GPR158: variants seen among roughly 807,000 people sequenced by gnomAD.
The protein encoded by GPR158 is G protein-coupled receptor 158, also known as metabotropic glycine receptor.
A neutral mutation model predicts 78.2 loss-of-function variants in GPR158; 30 were observed. That is an observed-to-expected ratio of 0.38 (90% CI 0.29 to 0.52). The LOEUF (loss-of-function observed/expected upper bound fraction) is 0.52. GPR158 is among the 20% of genes least tolerant of loss of function. The pLI is 0.83. For missense variants in GPR158, 1,463 were observed against 1,523.5 expected (o/e 0.96, Z 0.66); for synonymous variants, 581 against 591.1 (o/e 0.98, Z 0.25).
chr10:25,564,154 A>G (rs986218786), intron 6 of GPR158, among the ~76,000 whole-genome samples: 3 of 152,174 alleles, frequency 2.0e-5, no homozygotes, highest in East Asian at 3.8e-4. Flanking sequence ...AGCTTGGACC[A>G]AAAAATACTT....
intron 5 of GPR158, among the ~76,000 whole-genome samples, chr10:25,520,733 T>C (rs1836251933): frequency 6.6e-6 from 1 of 152,130 alleles, no homozygotes; most frequent in Admixed American, 6.5e-5. Context: ...CTGCCCGTTC[T>C]CAGATCTGCA....
At chr10:25,498,250 G>A (rs759244719) in intron 5 of GPR158, among the ~76,000 whole-genome samples, 16 of 152,114 alleles carry the variant, frequency 1.1e-4, no homozygotes, top group Non-Finnish European at 1.6e-4. Context: ...CCACTATCCC[G>A]ACTTCTTTCG....
intron 1 of GPR158, among the ~76,000 whole-genome samples, chr10:25,215,442 T>A (rs1564393455): frequency 6.6e-6 from 1 of 152,220 alleles, no homozygotes; most frequent in Non-Finnish European, 1.5e-5. Context: ...TTCTCAAGAT[T>A]GGTTGCACAA....
chr10:25,237,559 A>G (rs1853540954), intron 2 of GPR158, among the ~76,000 whole-genome samples: 1 of 152,194 alleles, frequency 6.6e-6, no homozygotes, highest in African/African-American at 2.4e-5. Flanking sequence ...TGATAGATGA[A>G]TTTTATAAAA....
intron 4 of GPR158, among the ~76,000 whole-genome samples, chr10:25,421,515 T>C (rs1164700684): frequency 1.3e-5 from 2 of 152,166 alleles, no homozygotes; most frequent in East Asian, 3.8e-4. Flanking sequence ...TTTATAAATT[T>C]TTTTTCTTAA....
intron 5 of GPR158, among the ~76,000 whole-genome samples, chr10:25,525,461 T>C (rs550571937): frequency 1.3e-5 from 2 of 152,292 alleles, no homozygotes; most frequent in African/African-American, 2.4e-5. Context: ...AAAGAAGTAG[T>C]GATACATGCT....
chr10:25,521,187 C>T (rs1836266988), intron 5 of GPR158, among the ~76,000 whole-genome samples: 1 of 152,262 alleles, frequency 6.6e-6, no homozygotes, highest in African/African-American at 2.4e-5. Context: ...ACCCCTTGCG[C>T]TTCCCAGGTG....
intron 2 of GPR158, among the ~76,000 whole-genome samples, chr10:25,326,560 G>A (rs185032551): frequency 6.6e-6 from 1 of 152,134 alleles, no homozygotes; most frequent in Admixed American, 6.5e-5. Context: ...TTAAATACTT[G>A]AACTCATAGA....
rs558000731 is a variant in GPR158, at chr10:25,558,232, A to T, written c.1514+7147A>T. 3.3e-5 allele frequency among the ~76,000 whole-genome samples: 5 copies of T among 152,292 alleles called. No individual in the cohort carries two copies. In the East Asian group the frequency reaches 5.8e-4, roughly 18 times the overall value. On this transcript the variant is annotated intron_variant, in intron 6 of 10. Coordinates refer to ENST00000376351, the MANE Select transcript of GPR158 (RefSeq NM_020752.3). The stretch of plus-strand genomic sequence containing the variant: ...CTTGTTATATGTGCGTGCGCACGTG[A>T]GTGTGTGTTCCAACCAACTTTAAAC...
intron 2 of GPR158, among the ~76,000 whole-genome samples, chr10:25,328,752 C>T (rs1277759071): frequency 6.6e-6 from 1 of 151,662 alleles, no homozygotes; most frequent in Non-Finnish European, 1.5e-5. Flanking sequence ...CATGATGAAA[C>T]CCCGTCTGTA....
chr10:25,348,389 GAAGA>G (rs1368424065), intron 2 of GPR158, among the ~76,000 whole-genome samples: 1 of 109,364 alleles, frequency 9.1e-6, no homozygotes, highest in East Asian at 3.0e-4. Flanking sequence ...GAAATTTTAG[GAAGA>G]AAGACACACA....
intron 1 of GPR158, among the ~76,000 whole-genome samples, chr10:25,186,272 A>T (rs1852683620): frequency 6.6e-6 from 1 of 152,228 alleles, no homozygotes. Flanking sequence ...AGAAAGCAGG[A>T]AAGATCTAAA....
intron 2 of GPR158, among the ~76,000 whole-genome samples, chr10:25,352,399 A>T (rs1450661924): frequency 6.6e-6 from 1 of 152,082 alleles, no homozygotes; most frequent in Admixed American, 6.6e-5. Flanking sequence ...AATTTATGCA[A>T]AATTCTAAGA....
chr10:25,526,152 A>C (rs1430475648), intron 5 of GPR158, among the ~76,000 whole-genome samples: 1 of 151,654 alleles, frequency 6.6e-6, no homozygotes, highest in Non-Finnish European at 1.5e-5. Flanking sequence ...TTCTGGTTCT[A>C]ATAACTGAGC....
intron 8 of GPR158, among the ~76,000 whole-genome samples, chr10:25,594,020 C>T (rs150989023): frequency 4.0e-4 from 61 of 152,056 alleles, no homozygotes; most frequent in African/African-American, 1.3e-3. Context: ...TTTTTAGAGG[C>T]CACTTTACAT....
chr10:25,431,391 A>G (rs1215839782), intron 4 of GPR158, among the ~76,000 whole-genome samples: 1 of 147,814 alleles, frequency 6.8e-6, no homozygotes, highest in Non-Finnish European at 1.5e-5. Context: ...AGAAATAGGA[A>G]CACTTTTACA....
At chr10:25,412,519 T>G (rs1834606421) in intron 4 of GPR158, 46 bp downstream of exon 4, 1 of 1,298,132 alleles carries the variant, frequency 7.7e-7, no homozygotes, top group East Asian at 2.3e-5. Context: ...CAGAGCAACC[T>G]CTTATCTTTT....
chr10:25,452,128 C>T (rs1835228035), intron 4 of GPR158, among the ~76,000 whole-genome samples: 3 of 151,992 alleles, frequency 2.0e-5, no homozygotes, highest in African/African-American at 7.3e-5. Context: ...GACTCAACCT[C>T]CTGGGCTCAA....
chr10:25,364,225 C>T (rs1346815262), intron 2 of GPR158, among the ~76,000 whole-genome samples: 1 of 151,830 alleles, frequency 6.6e-6, no homozygotes, highest in Non-Finnish European at 1.5e-5. Context: ...CTCCAAAGTC[C>T]ATGTTCTTAA....
Sources: gnomAD v4.1 joint callset for allele counts (sites outside exome capture counted in the v4.1 genomes callset) on GRCh38, gnomAD v4.1.1 for gene constraint, MANE v1.5 for transcripts, NCBI Gene and HGNC (gene_info 2026-07-23, HGNC 2026-07-21) for gene names.